Variants in ASCC3 observed in about 807,000 individuals in gnomAD.
ASCC3 encodes activating signal cointegrator 1 complex subunit 3.
A neutral mutation model predicts 256.3 loss-of-function variants in ASCC3; 158 were observed. The observed-to-expected ratio is 0.62, with a 90% CI of 0.54 to 0.70. The LOEUF is 0.70. Ranked by LOEUF, ASCC3 falls within the 30% of genes least tolerant of loss-of-function variation. ASCC3 has a pLI of 0.00. For synonymous variants in ASCC3, 948 were observed against 883.4 expected (o/e 1.07, Z -1.30); for missense variants, 2,259 against 2,626.0 (o/e 0.86, Z 3.05).
At chr6:100,805,725 C>T (rs777800576) in intron 5 of ASCC3, 35 bp downstream of exon 5, 127 of 1,602,506 alleles carry the variant, frequency 7.9e-5, no homozygotes, top group Non-Finnish European at 8.6e-5. Flanking sequence ...TGAATATTTC[C>T]TTTAAATTAC....
At chr6:100,819,618 TAA>T (rs1686652620) in intron 4 of ASCC3, among the ~76,000 whole-genome samples, 1 of 151,288 alleles carries the variant, frequency 6.6e-6, no homozygotes, top group Non-Finnish European at 1.5e-5. Flanking sequence ...CTGAAGAACT[TAA>T]GAGTCCGATG....
At chr6:100,528,506 G>A (rs973625923) in intron 37 of ASCC3, among the ~76,000 whole-genome samples, 1 of 152,078 alleles carries the variant, frequency 6.6e-6, no homozygotes, top group African/African-American at 2.4e-5. Context: ...ACATTAATTG[G>A]AGTCTACATA....
chr6:100,731,988 C>T (rs1388331218), intron 10 of ASCC3, among the ~76,000 whole-genome samples: 1 of 151,922 alleles, frequency 6.6e-6, no homozygotes, highest in Non-Finnish European at 1.5e-5. Context: ...ATGGCAAACC[C>T]CGTCTCTACT....
At chr6:100,567,925 C>A (rs189621719) in intron 36 of ASCC3, among the ~76,000 whole-genome samples, 8 of 152,208 alleles carry the variant, frequency 5.3e-5, no homozygotes, top group Non-Finnish European at 8.8e-5. Context: ...GGGATTGCTG[C>A]GTTGTATAGT....
Position 100,647,380 on chromosome 6 carries a change from C to T in ASCC3, c.3324G>A (p.Arg1108=), listed in dbSNP as rs754821800. 1 of 1,613,836 alleles carries T rather than the reference C, an allele frequency of 6.2e-7. No homozygotes were observed. The highest frequency in any genetic ancestry group is 8.5e-7 in the Non-Finnish European group (1 of 1,179,954). Residue 1108 remains arginine, a synonymous_variant, in exon 21 of 42, where the codon AGG becomes AGA. Transcript: ENST00000369162. The stretch of plus-strand genomic sequence containing the variant: ...CAATGACTTTACTAAGATTCAGGAG[C>T]CTGTAGGTCATGGTAGGCCAACGTT... ...LRKRWPTMTY[R]LLNLSKVIDK... is the part of the protein sequence containing the mutation.
intron 4 of ASCC3, among the ~76,000 whole-genome samples, chr6:100,830,524 T>G (rs1193521943): frequency 6.6e-6 from 1 of 152,202 alleles, no homozygotes; most frequent in Non-Finnish European, 1.5e-5. Flanking sequence ...CATTTCTATG[T>G]GTAGGTACCA....
chr6:100,748,845 T>A (rs990170082), intron 10 of ASCC3, among the ~76,000 whole-genome samples: 4 of 151,988 alleles, frequency 2.6e-5, no homozygotes, highest in Non-Finnish European at 5.9e-5. Context: ...AAGAAGTGGA[T>A]AACCCATAGA....
intron 8 of ASCC3, among the ~76,000 whole-genome samples, chr6:100,777,343 G>C (rs1276252576): frequency 6.6e-6 from 1 of 152,018 alleles, no homozygotes; most frequent in Admixed American, 6.6e-5. Flanking sequence ...TTCATTTATA[G>C]GTGGAATCAT....
At chr6:100,655,595 C>G (rs1013481594) in intron 17 of ASCC3, 104 bp downstream of exon 17, 5 of 1,336,574 alleles carry the variant, frequency 3.7e-6, no homozygotes, top group Non-Finnish European at 2.1e-6. Context: ...TTCTAGGTAC[C>G]TCTTTTCAGA....
chr6:100,661,667 C>T (rs1776226612), intron 16 of ASCC3, 139 bp downstream of exon 16: 1 of 797,184 alleles, frequency 1.3e-6, no homozygotes, highest in Non-Finnish European at 2.1e-6. Flanking sequence ...ATGCCATTCA[C>T]CCTGTTTTGT....
At chr6:100,742,133 T>G (rs2115072282) in intron 10 of ASCC3, among the ~76,000 whole-genome samples, 1 of 152,296 alleles carries the variant, frequency 6.6e-6, no homozygotes, top group East Asian at 1.9e-4. Flanking sequence ...ACTGCTGTGA[T>G]TTGCTGGAGG....
chr6:100,689,919 A>G (rs771924005), intron 13 of ASCC3, among the ~76,000 whole-genome samples: 33 of 152,264 alleles, frequency 2.2e-4, no homozygotes, highest in Non-Finnish European at 4.1e-4. Flanking sequence ...TTAAGAAATA[A>G]ATTACTTATA....
intron 24 of ASCC3, 61 bp from the exon 25 acceptor site, chr6:100,638,882 T>A: frequency 3.2e-6 from 4 of 1,268,234 alleles, no homozygotes; most frequent in Non-Finnish European, 4.6e-6. Flanking sequence ...TACTGAATAC[T>A]GTATTATAAA....
intron 13 of ASCC3, among the ~76,000 whole-genome samples, chr6:100,683,518 G>C (rs1272742212): frequency 6.6e-6 from 1 of 150,748 alleles, no homozygotes; most frequent in Non-Finnish European, 1.5e-5. Flanking sequence ...AAGGTTTTGG[G>C]TCTCTATAAA....
intron 10 of ASCC3, among the ~76,000 whole-genome samples, chr6:100,760,162 C>G: frequency 6.6e-6 from 1 of 152,068 alleles, no homozygotes; most frequent in East Asian, 1.9e-4. Flanking sequence ...TGCCTGATTG[C>G]CCTGGCCAGA....
At chr6:100,719,385 C>CCCA (rs1779219707) in intron 11 of ASCC3, among the ~76,000 whole-genome samples, 1 of 151,936 alleles carries the variant, frequency 6.6e-6, no homozygotes, top group Admixed American at 6.6e-5. Context: ...GATTAATTAT[C>CCCA]CCACAGTTCT....
At chr6:100,588,050 T>C (rs1196732656) in intron 36 of ASCC3, among the ~76,000 whole-genome samples, 1 of 152,154 alleles carries the variant, frequency 6.6e-6, no homozygotes, top group Admixed American at 6.5e-5. Context: ...CATATGTGTA[T>C]GACTTGAGAG....
At chr6:100,638,380 T>A (rs1432469648) in intron 25 of ASCC3, among the ~76,000 whole-genome samples, 2 of 152,310 alleles carry the variant, frequency 1.3e-5, no homozygotes, top group East Asian at 3.9e-4. Flanking sequence ...TCCAAAAAAT[T>A]TGTATGACTT....
intron 1 of ASCC3, among the ~76,000 whole-genome samples, chr6:100,879,932 C>T (rs144073190): frequency 2.0e-5 from 3 of 152,054 alleles, no homozygotes; most frequent in Non-Finnish European, 4.4e-5. Context: ...TGAGAAAGAA[C>T]CCTAGTCAAG....
Sources: allele counts gnomAD v4.1 joint callset (sites outside exome capture counted in the v4.1 genomes callset), GRCh38; gene constraint gnomAD v4.1.1; transcripts MANE v1.5; gene names NCBI Gene and HGNC (gene_info 2026-07-23, HGNC 2026-07-21).